IQGAP2: variants seen among roughly 807,000 people sequenced by gnomAD.
IQGAP2 encodes IQ motif containing GTPase activating protein 2, also known as ras GTPase-activating-like protein IQGAP2.
IQGAP2 carries 173 observed loss-of-function variants against 201.3 expected under a neutral mutation model. The observed-to-expected ratio is 0.86, with a 90% confidence interval of 0.76 to 0.98. The LOEUF (loss-of-function observed/expected upper bound fraction) is 0.98, where lower values mean the gene tolerates loss of function less well. Among genes scored for constraint, IQGAP2 ranks in the 50% least tolerant of loss-of-function variants. IQGAP2 has a pLI of 0.00. For synonymous variants in IQGAP2, 675 were observed against 673.9 expected, an observed-to-expected ratio of 1.00 and a Z score of -0.03; for missense variants, 1,687 against 1,864.8, an observed-to-expected ratio of 0.90 and a Z score of 1.76.
intron 2 of IQGAP2, among the ~76,000 whole-genome samples, chr5:76,493,338 C>T (rs1022344825): frequency 5.3e-5 from 8 of 151,892 alleles, no homozygotes; most frequent in South Asian, 4.2e-4. Flanking sequence ...GCACACTGGC[C>T]TCCTTGCTGT....
intron 30 of IQGAP2, among the ~76,000 whole-genome samples, chr5:76,690,180 T>A (rs988823020): frequency 8.5e-4 from 129 of 152,208 alleles, no homozygotes; most frequent in Admixed American, 2.4e-3. Context: ...GAATGTTATA[T>A]TTGGACTGGG....
intron 2 of IQGAP2, among the ~76,000 whole-genome samples, chr5:76,492,960 G>A (rs972819806): frequency 5.3e-5 from 8 of 152,140 alleles, no homozygotes; most frequent in Non-Finnish European, 7.4e-5. Flanking sequence ...ACTGATATGC[G>A]TACCAGCATA....
At chr5:76,467,887 T>C (rs1384276528) in intron 2 of IQGAP2, among the ~76,000 whole-genome samples, 1 of 152,150 alleles carries the variant, frequency 6.6e-6, no homozygotes, top group Non-Finnish European at 1.5e-5. Context: ...CCACATATTA[T>C]ATGAAATGTC....
chr5:76,562,215 G>A (rs111346486), intron 2 of IQGAP2, among the ~76,000 whole-genome samples, 181 bp from the exon 3 acceptor site: 1,924 of 152,172 alleles, frequency 0.013, 36 homozygotes, highest in African/African-American at 0.044. Flanking sequence ...CCCCCTGTTC[G>A]TCTCATGTTC....
At chr5:76,605,599 A>G (rs1360057401) in intron 11 of IQGAP2, among the ~76,000 whole-genome samples, 1 of 152,210 alleles carries the variant, frequency 6.6e-6, no homozygotes, top group African/African-American at 2.4e-5. Flanking sequence ...CTTCAGGACA[A>G]CATACGGTAA....
At chr5:76,527,756 G>A (rs1269037317) in intron 2 of IQGAP2, among the ~76,000 whole-genome samples, 1 of 152,114 alleles carries the variant, frequency 6.6e-6, no homozygotes, top group African/African-American at 2.4e-5. Context: ...GGCAAGCAAA[G>A]GGAAGAAATG....
intron 1 of IQGAP2, among the ~76,000 whole-genome samples, chr5:76,458,061 A>G (rs1247243362): frequency 1.3e-5 from 2 of 152,220 alleles, no homozygotes; most frequent in African/African-American, 4.8e-5. Context: ...GGCAGTGACA[A>G]GTCCCTTCCT....
chr5:76,622,056 C>T (rs933196319), intron 13 of IQGAP2, among the ~76,000 whole-genome samples: 1 of 152,122 alleles, frequency 6.6e-6, no homozygotes, highest in Non-Finnish European at 1.5e-5. Context: ...TAAAACAAAA[C>T]AAAACCACAA....
At chr5:76,546,893 G>T (rs1743132677) in intron 2 of IQGAP2, among the ~76,000 whole-genome samples, 1 of 152,162 alleles carries the variant, frequency 6.6e-6, no homozygotes, top group Admixed American at 6.5e-5. Context: ...TGGGAGTGGA[G>T]AGTGGGAGGC....
At chr5:76,647,591 A>T (rs146544201) in intron 17 of IQGAP2, among the ~76,000 whole-genome samples, 34 of 152,188 alleles carry the variant, frequency 2.2e-4, no homozygotes, top group East Asian at 3.9e-4. Context: ...CCGTGTAAGA[A>T]GTGCCTTTTG....
chr5:76,689,419 T>C (rs892339345), intron 30 of IQGAP2, among the ~76,000 whole-genome samples: 5 of 152,036 alleles, frequency 3.3e-5, no homozygotes, highest in Admixed American at 2.0e-4. Context: ...GCTATGATGA[T>C]CACATGAAAT....
At chr5:76,428,453 T>C (rs1312373579) in intron 1 of IQGAP2, among the ~76,000 whole-genome samples, 2 of 150,762 alleles carry the variant, frequency 1.3e-5, no homozygotes, top group Non-Finnish European at 3.0e-5. Flanking sequence ...TTTTTTTTTT[T>C]TGAGATGGAG....
intron 1 of IQGAP2, among the ~76,000 whole-genome samples, chr5:76,447,186 A>G (rs906810457): frequency 6.6e-6 from 1 of 152,214 alleles, no homozygotes; most frequent in Non-Finnish European, 1.5e-5. Context: ...TTCCTAGGCC[A>G]ACTAAGAATC....
intron 2 of IQGAP2, among the ~76,000 whole-genome samples, chr5:76,494,590 T>A (rs1393065494): frequency 6.6e-6 from 1 of 152,210 alleles, no homozygotes; most frequent in African/African-American, 2.4e-5. Flanking sequence ...TAAAAGCACA[T>A]GATAGAATAC....
Position 76,403,527 on chromosome 5 carries a change from GC to G in IQGAP2, c.-14del, listed in dbSNP as rs1462441653. On this transcript the variant is annotated 5_prime_UTR_variant, in exon 1 of 36. Coordinates refer to ENST00000274364, the MANE Select transcript of IQGAP2 (RefSeq NM_006633.5). The surrounding 1 kb of genome is among the most constrained non-coding windows in gnomAD (Gnocchi z 4.8). ...GCCGCGGGGGGCGCGCCCCGGGCGG[GC>G]CCCCGGAGACGCGCAGGATGCCACA... 11 of 1,490,672 alleles carry G rather than the reference GC, an allele frequency of 7.4e-6. No homozygotes were observed. The highest frequency in any genetic ancestry group is 2.5e-5 in the South Asian group (2 of 78,546). 92.3% of individuals were successfully genotyped at this position (1,490,672 alleles called of 1,614,324 possible). A position where few individuals can be genotyped will look rare whatever the true frequency, so the allele number is the denominator to read the frequency against.
intron 2 of IQGAP2, among the ~76,000 whole-genome samples, chr5:76,486,405 A>G (rs1561407635): frequency 6.6e-6 from 1 of 152,200 alleles, no homozygotes; most frequent in Non-Finnish European, 1.5e-5. Flanking sequence ...TTTACCATGT[A>G]TTAGATTATA....
intron 11 of IQGAP2, among the ~76,000 whole-genome samples, chr5:76,605,966 A>G (rs990550486): frequency 1.3e-5 from 2 of 152,250 alleles, no homozygotes; most frequent in Admixed American, 6.5e-5. Flanking sequence ...TTTCATTAAC[A>G]GAATTTGTTC....
chr5:76,458,885 T>C (rs1008308001), intron 1 of IQGAP2, among the ~76,000 whole-genome samples: 5 of 152,180 alleles, frequency 3.3e-5, no homozygotes. Context: ...TTTTTCATCA[T>C]ATATTTTTAC....
chr5:76,554,220 A>C (rs1261574732), intron 2 of IQGAP2, among the ~76,000 whole-genome samples: 5 of 152,220 alleles, frequency 3.3e-5, no homozygotes, highest in Non-Finnish European at 5.9e-5. Flanking sequence ...TGGATCAAAG[A>C]CCTAAACTAT....
Sources: gnomAD v4.1 joint callset for allele counts (sites outside exome capture counted in the v4.1 genomes callset) on GRCh38, gnomAD v4.1.1 for gene constraint, Gnocchi (gnomAD v3.1) non-coding constraint, MANE v1.5 for transcripts, NCBI Gene and HGNC (gene_info 2026-07-23, HGNC 2026-07-21) for gene names.